INPP4B: variants seen among roughly 807,000 people sequenced by gnomAD.
The protein encoded by INPP4B is inositol polyphosphate-4-phosphatase type II B.
INPP4B carries 55 observed loss-of-function variants against 122.5 expected under a neutral mutation model. The ratio of observed to expected loss-of-function variants is 0.45; its 90% CI spans 0.36 to 0.56. INPP4B has a LOEUF of 0.56. INPP4B is among the 20% of genes least tolerant of loss of function. The pLI, the probability that INPP4B is intolerant of heterozygous loss-of-function variation, is 0.00. For synonymous variants in INPP4B, 403 were observed against 388.7 expected (o/e 1.04, Z -0.43); for missense variants, 1,000 against 1,097.7 (o/e 0.91, Z 1.26).
chr4:142,298,303 A>G (rs954035687), intron 9 of INPP4B, among the ~76,000 whole-genome samples: 3 of 152,158 alleles, frequency 2.0e-5, no homozygotes, highest in Middle Eastern at 3.2e-3. Context: ...TGAAAACGGG[A>G]GGAAAAATTC....
At chr4:142,087,102 G>T (rs1777227187) in intron 23 of INPP4B, among the ~76,000 whole-genome samples, 2 of 152,154 alleles carry the variant, frequency 1.3e-5, no homozygotes, top group Non-Finnish European at 2.9e-5. Flanking sequence ...GTGCATTACA[G>T]GATGTTTCAC....
chr4:142,528,033 A>T (rs529686323), intron 2 of INPP4B, among the ~76,000 whole-genome samples: 1 of 152,198 alleles, frequency 6.6e-6, no homozygotes, highest in African/African-American at 2.4e-5. Flanking sequence ...TTCACTTAAG[A>T]CTATCTTTGA....
At chr4:142,188,715 C>T (rs539665670) in intron 15 of INPP4B, among the ~76,000 whole-genome samples, 351 of 151,076 alleles carry the variant, frequency 2.3e-3, no homozygotes, top group African/African-American at 7.6e-3. Context: ...GATCACATTG[C>T]TTTCATTGAA....
intron 2 of INPP4B, among the ~76,000 whole-genome samples, chr4:142,687,527 A>AT (rs1467870512): frequency 2.8e-4 from 38 of 136,090 alleles, no homozygotes; most frequent in Middle Eastern, 4.0e-3. Flanking sequence ...GAGGCCACTA[A>AT]TTTTTTTTTT....
At chr4:142,107,993 A>G (rs1788011041) in intron 23 of INPP4B, 100 bp downstream of exon 23, 2 of 651,162 alleles carry the variant, frequency 3.1e-6, no homozygotes, top group South Asian at 1.8e-5. Context: ...TCACATCCCT[A>G]CCCCTGCTTC....
chr4:142,536,945 T>C, intron 2 of INPP4B, among the ~76,000 whole-genome samples: 1 of 152,004 alleles, frequency 6.6e-6, no homozygotes, highest in East Asian at 1.9e-4. Flanking sequence ...TACAGGCACG[T>C]GCTAGCATAC....
chr4:142,665,899 T>C lies in INPP4B; in HGVS notation c.-191+59940A>G, dbSNP rs117963193. On this transcript the variant is annotated intron_variant, in intron 2 of 25. Coordinates refer to ENST00000262992, the MANE Select transcript of INPP4B (RefSeq NM_001101669.3). Reference sequence around the variant, plus strand: ...AACCATGGATAGCACTGAACTATGTTTTCTTCTAGGTATACATGCTTATGA... The same window carrying C: ...AACCATGGATAGCACTGAACTATGTCTTCTTCTAGGTATACATGCTTATGA... Among the ~76,000 whole-genome samples, 396 of 152,282 alleles carry C rather than the reference T, an allele frequency of 2.6e-3. 6 individuals carry two copies. The highest frequency in any genetic ancestry group is 0.018 in the East Asian group (95 of 5,188).
At position 142,697,376 on chromosome 4, in the gene INPP4B, G is replaced by A. The variant is rs116308132; in HGVS notation, c.-191+28463C>T. 1.5e-3 allele frequency among the ~76,000 whole-genome samples: 230 copies of A among 152,238 alleles called. 1 individual carries two copies. The highest frequency in any genetic ancestry group is 5.2e-3 in the African/African-American group (216 of 41,540). On this transcript the variant is annotated intron_variant, in intron 2 of 25. Transcript: ENST00000262992. ...ATAAAAACAGAGTCTGGGATCAACT[G>A]TGAAAGTGAATTATATACATGAGTG...
intron 3 of INPP4B, among the ~76,000 whole-genome samples, chr4:142,433,290 A>T (rs1223009778): frequency 6.6e-6 from 1 of 152,114 alleles, no homozygotes; most frequent in African/African-American, 2.4e-5. Flanking sequence ...AAATTTTTTC[A>T]CAATAATAGA....
intron 21 of INPP4B, among the ~76,000 whole-genome samples, chr4:142,114,430 T>A (rs577366665): frequency 1.3e-5 from 2 of 152,230 alleles, no homozygotes; most frequent in Admixed American, 1.3e-4. Flanking sequence ...GTTTTCCACA[T>A]CCTCACCAAC....
chr4:142,209,909 A>T (rs1844197221), intron 12 of INPP4B, among the ~76,000 whole-genome samples: 1 of 151,124 alleles, frequency 6.6e-6, no homozygotes, highest in African/African-American at 2.4e-5. Flanking sequence ...CTGTATGTGT[A>T]TGCGTTGCTC....
chr4:142,361,374 T>C (rs1048145858), intron 7 of INPP4B, among the ~76,000 whole-genome samples: 5 of 151,978 alleles, frequency 3.3e-5, no homozygotes, highest in African/African-American at 1.2e-4. Context: ...CCTGGAATAG[T>C]ACTGGTAGGT....
chr4:142,405,326 T>G lies in INPP4B; in HGVS notation c.137-2A>C. 7.9e-6 allele frequency: 12 copies of G among 1,528,288 alleles called. No individual in the cohort carries two copies. The highest frequency in any genetic ancestry group is 2.7e-5 in the African/African-American group (2 of 73,344). The allele number at this position is 1,528,288 out of a possible 1,614,324, so 94.7% of individuals were successfully genotyped here. A position where few individuals can be genotyped will look rare whatever the true frequency, so the allele number is the denominator to read the frequency against. ...CAGGAGCCACGAGATCCTTGCATGC[T>G]GGCAACGGCAGAGGAGACAGAAAGA... On this transcript the variant is annotated splice_acceptor_variant, in intron 5 of 25. Coordinates refer to ENST00000262992, the MANE Select transcript of INPP4B (RefSeq NM_001101669.3). LOFTEE classifies it high-confidence loss of function.
At chr4:142,174,632 CTTT>C (rs34766161) in intron 15 of INPP4B, among the ~76,000 whole-genome samples, 1 of 151,108 alleles carries the variant, frequency 6.6e-6, no homozygotes, top group East Asian at 2.0e-4. Context: ...TTATTGACTT[CTTT>C]TTTTTAAGAG....
intron 11 of INPP4B, among the ~76,000 whole-genome samples, chr4:142,251,088 A>C (rs1162575226): frequency 6.6e-6 from 1 of 152,182 alleles, no homozygotes; most frequent in Non-Finnish European, 1.5e-5. Flanking sequence ...TCTATTTTTC[A>C]ATATGATCTC....
chr4:142,035,448 G>T lies in INPP4B; in HGVS notation c.2643-6534C>A, dbSNP rs148776389. On this transcript the variant is annotated intron_variant, in intron 25 of 25. Coordinates refer to ENST00000262992, the MANE Select transcript of INPP4B (RefSeq NM_001101669.3). The stretch of plus-strand genomic sequence containing the variant: ...TATTTCTCTAGAATCTTTTTAACTA[G>T]ATAAAGATACTATTCACCTAGAACC... Among the ~76,000 whole-genome samples, 16 of 152,212 alleles carry T rather than the reference G, an allele frequency of 1.1e-4. 1 individual carries two copies. The East Asian group carries it at 2.9e-3, about 28-fold the overall frequency.
rs756599157 is a variant in INPP4B at position 142,028,735 on chromosome 4, C to CCAA, written c.*44_*46dup. ...CAAAAAAGACCAAGGTGAAGATTAT[C>CCAA]CAACTGAAATGTATTTGTGTTCCTG... On this transcript the variant is annotated 3_prime_UTR_variant, in exon 26 of 26. Transcript: ENST00000262992. 5.1e-6 allele frequency: 8 copies of CCAA among 1,559,298 alleles called. No individual in the cohort carries two copies. In the South Asian group the frequency reaches 9.6e-5, roughly 19 times the overall value.
chr4:142,152,061 C>CTT (rs1288715777), intron 17 of INPP4B, among the ~76,000 whole-genome samples: 2 of 98,956 alleles, frequency 2.0e-5, no homozygotes, highest in African/African-American at 9.4e-5. Flanking sequence ...GCTTTTTTGT[C>CTT]TTTTCTTTTT....
At position 142,811,330 on chromosome 4, in the gene INPP4B, G is replaced by A. The variant is rs530097781; in HGVS notation, c.-254+34879C>T. Reference sequence around the variant, plus strand: ...TGCAGATGTTGTTGACAGAGGAGAGGGCCAAGTCAGTCTTCCTGGGCTCCA... The same window carrying A: ...TGCAGATGTTGTTGACAGAGGAGAGAGCCAAGTCAGTCTTCCTGGGCTCCA... On this transcript the variant is annotated intron_variant, in intron 1 of 25. Transcript: ENST00000262992. Among the ~76,000 whole-genome samples, 5 of 152,276 alleles carry A rather than the reference G, an allele frequency of 3.3e-5. No individual in the cohort carries two copies. The South Asian group carries it at 1.0e-3, about 32-fold the overall frequency.
Sources: allele counts gnomAD v4.1 joint callset (sites outside exome capture counted in the v4.1 genomes callset), GRCh38; gene constraint gnomAD v4.1.1; transcripts MANE v1.5; gene names NCBI Gene and HGNC (gene_info 2026-07-23, HGNC 2026-07-21).